UGT2B11: variants seen among roughly 807,000 people sequenced by gnomAD.
UGT2B11 encodes UDP-glucuronosyltransferase 2B11.
UGT2B11 carries 49 observed loss-of-function variants against 51.7 expected under a neutral mutation model. The ratio of observed to expected loss-of-function variants is 0.95; its 90% CI spans 0.75 to 1.20. UGT2B11 has a LOEUF of 1.20. Among genes scored for constraint, UGT2B11 ranks in the 50% most tolerant of loss-of-function variants. The pLI is 0.00. For missense variants in UGT2B11, 810 were observed against 622.1 expected (o/e 1.30, Z -3.21); for synonymous variants, 273 against 209.0 (o/e 1.31, Z -2.64).
intron 3 of UGT2B11, chr4:69,205,835 T>C: frequency 3.0e-6 from 1 of 337,140 alleles, no homozygotes. Flanking sequence ...TTACACTTTT[T>C]AAAAGAAGAC....
upstream of UGT2B11, among the ~76,000 whole-genome samples, chr4:69,219,463 A>C (rs1475770046): frequency 1.3e-5 from 2 of 149,240 alleles, no homozygotes; most frequent in African/African-American, 2.5e-5. Context: ...GTTCTCTTCT[A>C]TTGATTTTGT....
intron 5 of UGT2B11, among the ~76,000 whole-genome samples, chr4:69,200,952 A>AT (rs1439042078): frequency 2.0e-5 from 3 of 151,752 alleles, no homozygotes; most frequent in Non-Finnish European, 2.9e-5. Context: ...GAGAAAGTTA[A>AT]TTTTTTTCAA....
At chr4:69,223,495 G>T in the UGT2B11 span, among the ~76,000 whole-genome samples, 8 of 152,160 alleles carry the variant, frequency 5.3e-5, no homozygotes, top group African/African-American at 1.9e-4. Context: ...ACCACTAAAT[G>T]GAGCACAAGG....
chr4:69,201,034 G>T, intron 5 of UGT2B11: 1 of 204,132 alleles, frequency 4.9e-6, no homozygotes, highest in Non-Finnish European at 9.9e-6. Flanking sequence ...TCCATATTAA[G>T]TGTATATATT....
rs765241703 is a variant in UGT2B11 at position 69,204,498 on chromosome 4, T to C, written c.1242A>G (p.Arg414=). The C allele has an allele frequency of 1.5e-5, 24 of 1,612,288 alleles. No individual in the cohort carries two copies. The highest frequency in any genetic ancestry group is 8.4e-5 in the Admixed American group (5 of 59,876). Residue 414 remains arginine (R), a synonymous_variant, in exon 5 of 6, where the codon AGA becomes AGG. Coordinates refer to ENST00000446444, the MANE Select transcript of UGT2B11 (RefSeq NM_001073.3). ...TACTCGACATTGTGTTGAAGTCCAATCTAACAGCTGCTCCCTTGGCCTTCA... is the reference window on the plus strand; with the variant it reads ...TACTCGACATTGTGTTGAAGTCCAACCTAACAGCTGCTCCCTTGGCCTTCA... ...AHMKAKGAAV[R]LDFNTMSSTD... is the part of the protein sequence containing the mutation.
chr4:69,223,442 C>T, the UGT2B11 span, among the ~76,000 whole-genome samples: 31 of 152,224 alleles, frequency 2.0e-4, no homozygotes, highest in African/African-American at 7.0e-4. Flanking sequence ...CCATGCTTAC[C>T]GGCAGGATGG....
the UGT2B11 span, among the ~76,000 whole-genome samples, chr4:69,222,035 C>A: frequency 0.17 from 24,977 of 148,010 alleles, 1 homozygote; most frequent in Middle Eastern, 0.21. Flanking sequence ...ATTGGCCTCT[C>A]CTCTCTTGAT....
chr4:69,221,839 C>G, the UGT2B11 span, among the ~76,000 whole-genome samples: 1 of 152,228 alleles, frequency 6.6e-6, no homozygotes, highest in East Asian at 1.9e-4. Flanking sequence ...CATGAGCTGG[C>G]GCTTGCCCCA....
intron 3 of UGT2B11, among the ~76,000 whole-genome samples, chr4:69,207,307 CA>C (rs2109946313): frequency 6.6e-6 from 1 of 151,706 alleles, no homozygotes; most frequent in Admixed American, 6.6e-5. Context: ...CAATAATTTG[CA>C]GTGTTTAACT....
At chr4:69,208,327 C>A (rs1240435467) in intron 3 of UGT2B11, 24 bp downstream of exon 3, 2 of 1,607,896 alleles carry the variant, frequency 1.2e-6, no homozygotes, top group South Asian at 1.1e-5. Flanking sequence ...CAGTTTTCCA[C>A]ACCAGTAAGG....
chr4:69,208,268 T>C, intron 3 of UGT2B11, 83 bp downstream of exon 3: 2 of 1,587,578 alleles, frequency 1.3e-6, no homozygotes, highest in Admixed American at 1.9e-5. Context: ...TTCACTCTAC[T>C]CTTAATATTC....
chr4:69,200,968 G>T (rs544570220), intron 5 of UGT2B11, among the ~76,000 whole-genome samples: 1 of 142,376 alleles, frequency 7.0e-6, no homozygotes, highest in Non-Finnish European at 1.5e-5. Flanking sequence ...TTCAAGCAGA[G>T]AAAATATAAG....
chr4:69,202,933 G>A (rs1721711700), intron 5 of UGT2B11, among the ~76,000 whole-genome samples: 1 of 151,532 alleles, frequency 6.6e-6, no homozygotes, highest in African/African-American at 2.4e-5. Flanking sequence ...ATTGAGAGTA[G>A]TTATAAATGC....
rs547132727 is a variant in UGT2B11, at chr4:69,209,725, T to C, written c.871-1243A>G. On this transcript the variant is annotated intron_variant, in intron 2 of 5. Transcript: ENST00000446444. Reference sequence around the variant, plus strand: ...TCTAGGTGTTGCGTGTGATTGCAGTTACCTGTAGCCACATTTAATGTAACT... The same window carrying C: ...TCTAGGTGTTGCGTGTGATTGCAGTCACCTGTAGCCACATTTAATGTAACT... Among the ~76,000 whole-genome samples, 1,206 of 151,688 alleles carry C rather than the reference T, an allele frequency of 8.0e-3. 15 individuals carry two copies. The highest frequency in any genetic ancestry group is 0.028 in the African/African-American group (1,141 of 41,464).
chr4:69,216,531 A>T (rs1722278680), upstream of UGT2B11: 1 of 151,544 alleles, frequency 6.6e-6, no homozygotes, highest in South Asian at 2.1e-4. Flanking sequence ...CATTAAATTG[A>T]TACAAAGACT....
chr4:69,221,065 A>G, the UGT2B11 span, among the ~76,000 whole-genome samples: 5 of 152,262 alleles, frequency 3.3e-5, no homozygotes, highest in South Asian at 1.0e-3. Flanking sequence ...GTGTGGCAAG[A>G]TTGGGGTATA....
intron 5 of UGT2B11, among the ~76,000 whole-genome samples, chr4:69,202,216 G>A (rs1340038915): frequency 6.7e-6 from 1 of 149,814 alleles, no homozygotes; most frequent in Admixed American, 6.6e-5. Context: ...TTTGGACACT[G>A]TTGATAATTC....
chr4:69,220,964 G>A, the UGT2B11 span, among the ~76,000 whole-genome samples: 1 of 152,170 alleles, frequency 6.6e-6, no homozygotes. Context: ...ATTTATAACA[G>A]AATTGTGTGG....
the UGT2B11 span, among the ~76,000 whole-genome samples, chr4:69,224,120 C>T: frequency 7.9e-5 from 12 of 152,118 alleles, no homozygotes; most frequent in South Asian, 4.1e-4. Flanking sequence ...AGGGATCTTC[C>T]GGGCACCATC....
Sources: allele counts gnomAD v4.1 joint callset (sites outside exome capture counted in the v4.1 genomes callset), GRCh38; gene constraint gnomAD v4.1.1; transcripts MANE v1.5; gene names NCBI Gene and HGNC (gene_info 2026-07-23, HGNC 2026-07-21).